ANKRD28: variants seen among roughly 807,000 people sequenced by gnomAD.
The protein encoded by ANKRD28 is serine/threonine-protein phosphatase 6 regulatory ankyrin repeat subunit A.
Under a neutral mutation model 126.5 loss-of-function variants are expected in ANKRD28, and 44 were observed. That is an observed-to-expected ratio of 0.35 (90% confidence interval 0.27 to 0.45). The LOEUF is 0.45. ANKRD28 is among the 20% of genes least tolerant of loss of function. The pLI is 1.00. For missense variants in ANKRD28, 1,110 were observed against 1,316.6 expected, an observed-to-expected ratio of 0.84 and a Z score of 2.43; for synonymous variants, 442 against 468.5, an observed-to-expected ratio of 0.94 and a Z score of 0.73.
intron 3 of ANKRD28, among the ~76,000 whole-genome samples, chr3:15,758,270 T>G (rs1004782848): frequency 1.3e-5 from 2 of 152,230 alleles, no homozygotes; most frequent in Admixed American, 1.3e-4. Flanking sequence ...ATGCTTTTCT[T>G]TGGCTACCTA....
chr3:15,775,379 A>G (rs1231337653), intron 2 of ANKRD28, among the ~76,000 whole-genome samples: 1 of 152,204 alleles, frequency 6.6e-6, no homozygotes, highest in East Asian at 1.9e-4. Flanking sequence ...TTGTTTCCTC[A>G]TAAAGCAATT....
Position 15,817,397 on chromosome 3 carries a change from G to T in ANKRD28, c.28-22091C>A, listed in dbSNP as rs182415928. Among the ~76,000 whole-genome samples the T allele has an allele frequency of 6.6e-6, 1 of 151,954 alleles. No homozygotes were observed. The highest frequency in any genetic ancestry group is 1.5e-5 in the Non-Finnish European group (1 of 67,986). ...ACAACATTAAGTTCCTAGAGCTACC[G>T]GTAGGCACCATTTCTTATTGCTCTA... On this transcript the variant is annotated intron_variant, in intron 1 of 27. Transcript: ENST00000399451. The surrounding 1 kb of genome is among the most constrained non-coding windows in gnomAD (Gnocchi z 4.5).
chr3:15,703,275 A>G (rs1265926739), intron 14 of ANKRD28, among the ~76,000 whole-genome samples: 1 of 152,252 alleles, frequency 6.6e-6, no homozygotes, highest in Non-Finnish European at 1.5e-5. Context: ...TTGAAAACAG[A>G]CAAAAATAAA....
chr3:15,750,976 T>C (rs2057821710), intron 4 of ANKRD28, among the ~76,000 whole-genome samples: 1 of 152,016 alleles, frequency 6.6e-6, no homozygotes, highest in Non-Finnish European at 1.5e-5. Context: ...ATGGGTACTT[T>C]GGACACAATG....
Position 15,815,862 on chromosome 3 carries a change from T to C in ANKRD28, c.28-20556A>G, listed in dbSNP as rs2060822147. Among the ~76,000 whole-genome samples the C allele has an allele frequency of 6.6e-6, 1 of 152,162 alleles. No homozygotes were observed. Among genetic ancestry groups the C allele is most frequent in the East Asian group, 1.9e-4 (1 of 5,200 alleles). ...TTTAGGTTCTACAGCATGTAACAGA[T>C]ATGGTAATAGAATTAGTCTGCCATA... On this transcript the variant is annotated intron_variant, in intron 1 of 27. Coordinates refer to the ANKRD28 transcript ENST00000399451. The surrounding 1 kb of genome is among the most constrained non-coding windows in gnomAD (Gnocchi z 4.1).
At chr3:15,746,544 T>C (rs2057487658) in intron 4 of ANKRD28, among the ~76,000 whole-genome samples, 1 of 152,240 alleles carries the variant, frequency 6.6e-6, no homozygotes, top group Admixed American at 6.5e-5. Context: ...ACACCATCCA[T>C]GCACCCCTGG....
chr3:15,831,311 C>A (rs1383199458), intron 1 of ANKRD28, among the ~76,000 whole-genome samples: 2 of 152,188 alleles, frequency 1.3e-5, no homozygotes, highest in Non-Finnish European at 2.9e-5. Context: ...TTGCCCAAGA[C>A]CAAAAACTAT....
intron 1 of ANKRD28, among the ~76,000 whole-genome samples, chr3:15,829,876 C>A (rs2061152272): frequency 6.6e-6 from 1 of 151,230 alleles, no homozygotes; most frequent in South Asian, 2.1e-4. Flanking sequence ...AAAAGGTTTG[C>A]CAAAGAGCCA....
At chr3:15,694,858 G>A (rs761395531) in intron 16 of ANKRD28, 45 bp from the exon 17 acceptor site, 33 of 1,558,322 alleles carry the variant, frequency 2.1e-5, no homozygotes, top group Non-Finnish European at 2.9e-5. Context: ...ACATACTACA[G>A]CAATTATTCT....
At chr3:15,844,399 T>G (rs1320707211) in intron 1 of ANKRD28, among the ~76,000 whole-genome samples, 1 of 151,764 alleles carries the variant, frequency 6.6e-6, no homozygotes, top group Non-Finnish European at 1.5e-5. Flanking sequence ...TCAGATTCAC[T>G]GTAGGTAAAG....
Position 15,797,970 on chromosome 3 carries a change from C to T in ANKRD28, c.-1449G>A, listed in dbSNP as rs1253097392. ...TAGTAATGCTCACATGTTACACTTA[C>T]CAGAGATCTGAGCTACTTCTCGGGA... On this transcript the variant is annotated 5_prime_UTR_variant, in exon 1 of 28. Transcript: ENST00000683139. The T allele has an allele frequency of 1.1e-5, 11 of 985,218 alleles. No homozygotes were observed. The highest frequency in any genetic ancestry group is 1.3e-5 in the Non-Finnish European group (11 of 829,898). 61.0% of individuals were successfully genotyped at this position (985,218 alleles called of 1,614,324 possible).
chr3:15,694,678 G>C, intron 17 of ANKRD28, 61 bp downstream of exon 17: 1 of 1,430,068 alleles, frequency 7.0e-7, no homozygotes, highest in East Asian at 2.3e-5. Context: ...AACACAAATA[G>C]GTTATTAGAT....
At chr3:15,713,270 C>T (rs1314310323) in intron 10 of ANKRD28, among the ~76,000 whole-genome samples, 1 of 152,122 alleles carries the variant, frequency 6.6e-6, no homozygotes, top group African/African-American at 2.4e-5. Flanking sequence ...CAAAAATTAA[C>T]AGCTCTGATC....
At chr3:15,788,559 CA>C (rs1489520897) in intron 2 of ANKRD28, among the ~76,000 whole-genome samples, 1 of 151,888 alleles carries the variant, frequency 6.6e-6, no homozygotes, top group Non-Finnish European at 1.5e-5. Flanking sequence ...ATGTCTGTCT[CA>C]AAAGTAAAGT....
At chr3:15,691,810 A>C (rs748046384) in intron 17 of ANKRD28, among the ~76,000 whole-genome samples, 10 of 152,204 alleles carry the variant, frequency 6.6e-5, no homozygotes, top group African/African-American at 1.2e-4. Context: ...GAGGAATCAT[A>C]CATTAAATAT....
At chr3:15,741,437 T>C (rs1464694207) in intron 4 of ANKRD28, among the ~76,000 whole-genome samples, 1 of 152,158 alleles carries the variant, frequency 6.6e-6, no homozygotes, top group African/African-American at 2.4e-5. Flanking sequence ...CACAGATGAT[T>C]TTATTAACAA....
chr3:15,856,998 C>T (rs921030514), intron 1 of ANKRD28, among the ~76,000 whole-genome samples: 3 of 152,202 alleles, frequency 2.0e-5, no homozygotes, highest in Non-Finnish European at 4.4e-5. Flanking sequence ...ATGTCCTTAC[C>T]CGTATCTTCT....
Position 15,685,256 on chromosome 3 carries a change from A to G in ANKRD28, c.2359T>C (p.Tyr787His). The change falls in exon 21 of 28, where the codon TAT becomes CAT. Residue 787 changes from tyrosine to histidine, a missense_variant. Tyr to His is a moderately conservative substitution (Grantham distance 83). Coordinates refer to ENST00000683139, the MANE Select transcript of ANKRD28 (RefSeq NM_001349278.2). Reference sequence around the variant, plus strand: ...TAGCAAGCCCAGTGAAGTGCCGTATATCCATGATTGTCTGCTGTGGCTGGA... The same window carrying G: ...TAGCAAGCCCAGTGAAGTGCCGTATGTCCATGATTGTCTGCTGTGGCTGGA... The part of the protein sequence containing the change: ...ANPATADNHG[Y>H]TALHWACYNG... 1.9e-6 allele frequency: 3 copies of G among 1,614,020 alleles called. No individual in the cohort carries two copies. The highest frequency in any genetic ancestry group is 3.3e-4 in the Middle Eastern group (2 of 6,062).
intron 9 of ANKRD28, 24 bp downstream of exon 9, chr3:15,714,554 A>C: frequency 6.5e-7 from 1 of 1,538,670 alleles, no homozygotes; most frequent in South Asian, 1.3e-5. Context: ...AAAACCCCAA[A>C]AAAAAAACAG....
Sources: gnomAD v4.1 joint callset for allele counts (sites outside exome capture counted in the v4.1 genomes callset) on GRCh38, gnomAD v4.1.1 for gene constraint, Gnocchi (gnomAD v3.1) non-coding constraint, MANE v1.5 for transcripts, NCBI Gene and HGNC (gene_info 2026-07-23, HGNC 2026-07-21) for gene names.